Variants in MAP3K12 observed in about 807,000 individuals in gnomAD.
MAP3K12 encodes the protein mitogen-activated protein kinase kinase kinase 12.
MAP3K12 carries 14 observed loss-of-function variants against 87.5 expected under a neutral mutation model. The observed-to-expected ratio is 0.16, with a 90% CI of 0.11 to 0.25. The LOEUF is 0.25. Among genes scored for constraint, MAP3K12 ranks in the 10% least tolerant of loss-of-function variants. The pLI, the probability that MAP3K12 is intolerant of heterozygous loss-of-function variation, is 1.00. For missense variants in MAP3K12, 802 were observed against 1,140.4 expected (o/e 0.70, Z 4.27); for synonymous variants, 469 against 452.5 (o/e 1.04, Z -0.46).
intron 10 of MAP3K12, 59 bp from the exon 11 acceptor site, chr12:53,483,248 C>T (rs1465436181): frequency 2.6e-6 from 4 of 1,557,494 alleles, no homozygotes; most frequent in Non-Finnish European, 2.6e-6. Context: ...TCAAAGCACT[C>T]CCTAACCTTG....
intron 1 of MAP3K12, among the ~76,000 whole-genome samples, chr12:53,492,715 T>G (rs1039913988): frequency 1.3e-5 from 2 of 152,092 alleles, no homozygotes; most frequent in African/African-American, 4.8e-5. Flanking sequence ...GAATTTCGTC[T>G]GGAGGACCCA....
At chr12:53,495,028 TCAC>T (rs912397288) in intron 1 of MAP3K12, among the ~76,000 whole-genome samples, 3 of 151,180 alleles carry the variant, frequency 2.0e-5, no homozygotes, top group African/African-American at 7.3e-5. Context: ...CTACAGGCAC[TCAC>T]CACCACACCA....
At chr12:53,491,110 C>A (rs191851429) in intron 1 of MAP3K12, among the ~76,000 whole-genome samples, 1,909 of 151,280 alleles carry the variant, frequency 0.013, 31 homozygotes, top group African/African-American at 0.043. Flanking sequence ...CAACACGGTG[C>A]AACCCCGTCT....
At chr12:53,490,745 CAAA>C (rs746490436) in intron 1 of MAP3K12, among the ~76,000 whole-genome samples, 3 of 111,998 alleles carry the variant, frequency 2.7e-5, no homozygotes, top group Non-Finnish European at 5.8e-5. Context: ...GACTCCATCT[CAAA>C]AAAAAAAAAA....
chr12:53,490,808 G>C (rs1410845978), intron 1 of MAP3K12, among the ~76,000 whole-genome samples: 1 of 151,946 alleles, frequency 6.6e-6, no homozygotes, highest in Non-Finnish European at 1.5e-5. Context: ...CTACTCAGGA[G>C]TCTGAGGTGG....
rs150402780 is a variant in MAP3K12 at position 53,482,946 on chromosome 12, G to C, written c.1857C>G (p.Ala619=). Residue 619 remains alanine (A), a synonymous_variant, in exon 11 of 14, where the codon GCC becomes GCG. Transcript: ENST00000547488. ...SPGGLGGGPS[A]WEACPPALRG... is the part of the protein sequence containing the mutation. ...GGAGGGCGGGAGGGCAGGCCTCCCA[G>C]GCTGAGGGTCCCCCTCCTAGGCCCC... 77 of 1,605,330 alleles carry C rather than the reference G, an allele frequency of 4.8e-5. No individual in the cohort carries two copies. The African/African-American group carries it at 9.9e-4, about 21-fold the overall frequency.
At chr12:53,491,797 G>C (rs922137686) in intron 1 of MAP3K12, among the ~76,000 whole-genome samples, 3 of 151,034 alleles carry the variant, frequency 2.0e-5, no homozygotes, top group Non-Finnish European at 4.4e-5. Context: ...AGCTCTGCTG[G>C]GCGCAGTGGC....
At chr12:53,489,297 C>T (rs1034247485) in intron 1 of MAP3K12, among the ~76,000 whole-genome samples, 7 of 151,942 alleles carry the variant, frequency 4.6e-5, no homozygotes, top group East Asian at 1.9e-4. Flanking sequence ...CCAGCCTGGG[C>T]GAAGTAGCCA....
intron 1 of MAP3K12, among the ~76,000 whole-genome samples, chr12:53,492,739 G>A (rs1943446357): frequency 6.6e-6 from 1 of 151,904 alleles, no homozygotes. Context: ...GATTTTGCCT[G>A]CCCCCCAACC....
chr12:53,484,569 G>A lies in MAP3K12; in HGVS notation c.1140-204C>T, dbSNP rs188357863. ...AAATCCTGCAGTAAGGAAACCTATT[G>A]AACCCCATATTTTCCAACTTGTCTC... On this transcript the variant is annotated intron_variant, in intron 6 of 13. Transcript: ENST00000547488. 6 of 543,610 alleles carry A rather than the reference G, an allele frequency of 1.1e-5. No individual in the cohort carries two copies. In the East Asian group the frequency reaches 1.9e-4, roughly 17 times the overall value. The allele number at this position is 543,610 out of a possible 1,614,324, so 33.7% of individuals were successfully genotyped here.
Position 53,483,594 on chromosome 12 carries a change from CAGGT to C in MAP3K12, c.1475+9_1475+12del, listed in dbSNP as rs1322418987. Reference sequence around the variant, plus strand: ...AGCTCCAGGGCTTGGTGCATAAGGACAGGTAGGGTTACCTGAGCAGCTCCCTCTC... The same window carrying C: ...AGCTCCAGGGCTTGGTGCATAAGGACAGGGTTACCTGAGCAGCTCCCTCTC... On this transcript the variant is annotated intron_variant, in intron 9 of 13. Coordinates refer to ENST00000547488, the MANE Select transcript of MAP3K12 (RefSeq NM_001193511.2). 50 of 1,613,864 alleles carry C rather than the reference CAGGT, an allele frequency of 3.1e-5. No homozygotes were observed. Among genetic ancestry groups the C allele is most frequent in the Non-Finnish European group, 4.2e-5 (49 of 1,179,936 alleles).
intron 1 of MAP3K12, among the ~76,000 whole-genome samples, chr12:53,492,658 G>A (rs1648283728): frequency 6.6e-6 from 1 of 152,102 alleles, no homozygotes; most frequent in African/African-American, 2.4e-5. Flanking sequence ...AGGTTGCAAT[G>A]CAAATTACAG....
At chr12:53,483,809 T>G (rs370418422) in intron 8 of MAP3K12, 86 bp from the exon 9 acceptor site, 1 of 1,611,984 alleles carries the variant, frequency 6.2e-7, no homozygotes. Flanking sequence ...CTGTCCACAG[T>G]CCTTTCGTAG....
At chr12:53,488,347 C>CAT (rs1943296457) in intron 1 of MAP3K12, among the ~76,000 whole-genome samples, 1 of 152,216 alleles carries the variant, frequency 6.6e-6, no homozygotes, top group Admixed American at 6.5e-5. Context: ...TGTCCCAGTT[C>CAT]ATAGCTGGGT....
At position 53,482,356 on chromosome 12, in the gene MAP3K12, G is replaced by A; in HGVS notation, c.2252C>T (p.Ser751Leu). ...TACCTCTCCTTCCTCCTCTTCCGAT[G>A]AGATGCCACGTTTCTGCAGGAGAGA... ...AVTRSQKRGI[S>L]SEEEEGEVDS... The change falls in exon 12 of 14, where the codon TCA becomes TTA. Residue 751 changes from serine to leucine, a missense_variant. Coordinates refer to ENST00000547488, the MANE Select transcript of MAP3K12 (RefSeq NM_001193511.2). 3.7e-6 allele frequency: 6 copies of A among 1,613,992 alleles called. No individual in the cohort carries two copies. Among genetic ancestry groups the A allele is most frequent in the Non-Finnish European group, 5.1e-6 (6 of 1,180,002 alleles).
In MAP3K12 at chr12:53,482,572, C is replaced by T. The variant is rs761778000; in HGVS notation, c.2231G>A (p.Arg744Gln). Residue 744 changes from arginine to glutamine, a missense_variant, in exon 11 of 14, where the codon CGA becomes CAA. Arg to Gln is a conservative substitution (Grantham distance 43). This residue lies in a region of MAP3K12 where 490 missense variants were observed against 496.6 expected (regional missense o/e 0.99). Transcript: ENST00000547488. The stretch of plus-strand genomic sequence containing the variant: ...AGCCTTCCCATACTTTACCTGACTT[C>T]GGGTGACGGCAGCCCTGTACAGCAG... Reference protein sequence around the residue: ...AALLYRAAVTRSQKRGISSEE... With the variant: ...AALLYRAAVTQSQKRGISSEE... The T allele has an allele frequency of 1.7e-5, 27 of 1,603,912 alleles. No homozygotes were observed. The highest frequency in any genetic ancestry group is 6.7e-5 in the East Asian group (3 of 44,778).
At chr12:53,483,304 C>T in intron 10 of MAP3K12, 45 bp downstream of exon 10, 1 of 1,601,694 alleles carries the variant, frequency 6.2e-7, no homozygotes, top group South Asian at 1.1e-5. Context: ...GTTGCCACTT[C>T]AGTATCCCTC....
intron 1 of MAP3K12, among the ~76,000 whole-genome samples, chr12:53,491,009 C>T (rs1450570794): frequency 1.3e-5 from 2 of 152,068 alleles, no homozygotes; most frequent in South Asian, 2.1e-4. Flanking sequence ...AGGCTTACGG[C>T]TGGGCGTAGT....
upstream of MAP3K12, chr12:53,499,651 C>G (rs924169740): frequency 6.7e-6 from 1 of 150,140 alleles, no homozygotes. Context: ...CGTCCCTGCT[C>G]GGCTTGAACT....
Sources: allele counts gnomAD v4.1 joint callset (sites outside exome capture counted in the v4.1 genomes callset), GRCh38; gene constraint gnomAD v4.1.1; regional missense constraint gnomAD v4.1.1; transcripts MANE v1.5; gene names NCBI Gene and HGNC (gene_info 2026-07-23, HGNC 2026-07-21).